KLHL32: variants seen among roughly 807,000 people sequenced by gnomAD.
KLHL32 encodes the protein kelch like family member 32, also known as kelch-like protein 32.
In KLHL32, 35 loss-of-function variants were observed where a neutral mutation model predicts 64.8. That is an observed-to-expected ratio of 0.54 (90% CI 0.41 to 0.72). The LOEUF (loss-of-function observed/expected upper bound fraction) is 0.72. KLHL32 is among the 30% of genes least tolerant of loss of function. KLHL32 has a pLI of 0.00. For missense variants in KLHL32, 589 were observed against 768.5 expected (o/e 0.77, Z 2.76); for synonymous variants, 259 against 281.0 (o/e 0.92, Z 0.78).
chr6:96,941,144 A>G (rs1771233304), intron 1 of KLHL32, among the ~76,000 whole-genome samples: 1 of 152,212 alleles, frequency 6.6e-6, no homozygotes, highest in Non-Finnish European at 1.5e-5. Context: ...GGGTTTGTTT[A>G]CAAGGTTGAA....
At chr6:97,076,675 A>G (rs1791636164) in intron 5 of KLHL32, among the ~76,000 whole-genome samples, 2 of 152,208 alleles carry the variant, frequency 1.3e-5, no homozygotes, top group South Asian at 4.1e-4. Context: ...TTTCTAAATC[A>G]TGAAGACTAA....
At chr6:96,913,682 T>G in the KLHL32 span, among the ~76,000 whole-genome samples, 1 of 152,180 alleles carries the variant, frequency 6.6e-6, no homozygotes, top group East Asian at 1.9e-4. Context: ...TAACTGTTCA[T>G]AGTTGGAGAA....
chr6:96,986,601 CCTTG>C (rs1162436952), intron 3 of KLHL32, among the ~76,000 whole-genome samples: 4 of 152,184 alleles, frequency 2.6e-5, no homozygotes, highest in Admixed American at 2.6e-4. Context: ...CTGGCTGCTG[CCTTG>C]CAGTTGGATC....
Position 96,985,571 on chromosome 6 carries a change from C to A in KLHL32, c.204+9394C>A, listed in dbSNP as rs1050839133. Among the ~76,000 whole-genome samples the A allele has an allele frequency of 5.3e-5, 8 of 152,248 alleles. No individual in the cohort carries two copies. In the East Asian group the frequency reaches 1.3e-3, roughly 26 times the overall value. On this transcript the variant is annotated intron_variant, in intron 3 of 10. Transcript: ENST00000369261. ...TATTTCTTGGAGGCTTTGTTCATTT[C>A]TTTTTATTCTTTTTTCTCTAAACTT...
chr6:97,106,755 A>AAAAT (rs1796469002), intron 6 of KLHL32, among the ~76,000 whole-genome samples: 1 of 151,968 alleles, frequency 6.6e-6, no homozygotes, highest in African/African-American at 2.4e-5. Flanking sequence ...AAAAAAAAAA[A>AAAAT]ATTAAATGTG....
chr6:96,963,114 G>A (rs541453484), intron 1 of KLHL32, among the ~76,000 whole-genome samples: 25 of 152,218 alleles, frequency 1.6e-4, no homozygotes, highest in Non-Finnish European at 3.1e-4. Flanking sequence ...AGACAGATTA[G>A]CAAGAGAAAA....
intron 3 of KLHL32, among the ~76,000 whole-genome samples, chr6:96,979,321 G>T (rs1776040540): frequency 6.6e-6 from 1 of 152,100 alleles, no homozygotes; most frequent in African/African-American, 2.4e-5. Flanking sequence ...TTTTGTACCT[G>T]GTGAAAGAAA....
chr6:96,961,337 G>A (rs1045318260), intron 1 of KLHL32, among the ~76,000 whole-genome samples: 1 of 152,288 alleles, frequency 6.6e-6, no homozygotes. Context: ...TCTCTTATAT[G>A]TTGGTAGGAT....
intron 1 of KLHL32, among the ~76,000 whole-genome samples, chr6:96,964,946 G>T (rs1220437785): frequency 2.0e-5 from 3 of 152,154 alleles, no homozygotes; most frequent in African/African-American, 7.2e-5. Context: ...TTGGGATACG[G>T]ATGATCCCAT....
intron 6 of KLHL32, among the ~76,000 whole-genome samples, chr6:97,099,822 G>T (rs531571259): frequency 7.2e-5 from 11 of 151,774 alleles, no homozygotes; most frequent in African/African-American, 2.2e-4. Context: ...CAAATCCTTT[G>T]ATATGACTAC....
At chr6:96,947,825 T>C (rs189000406) in intron 1 of KLHL32, among the ~76,000 whole-genome samples, 16 of 152,300 alleles carry the variant, frequency 1.1e-4, no homozygotes, top group Non-Finnish European at 1.5e-5. Flanking sequence ...AATTAAGTAC[T>C]TGTCCAGAGT....
At chr6:96,990,598 C>T (rs1777739257) in intron 3 of KLHL32, among the ~76,000 whole-genome samples, 1 of 152,178 alleles carries the variant, frequency 6.6e-6, no homozygotes, top group African/African-American at 2.4e-5. Context: ...TGTGTGTCCT[C>T]TCCAACTTGG....
At chr6:97,101,477 A>G (rs1795718437) in intron 6 of KLHL32, among the ~76,000 whole-genome samples, 2 of 152,198 alleles carry the variant, frequency 1.3e-5, no homozygotes, top group Admixed American at 1.3e-4. Context: ...TTTCTCACCA[A>G]GTTTCTGACA....
intron 3 of KLHL32, among the ~76,000 whole-genome samples, chr6:97,000,544 A>T (rs1778902673): frequency 6.6e-6 from 1 of 152,208 alleles, no homozygotes; most frequent in African/African-American, 2.4e-5. Context: ...AATGTAGACA[A>T]ACATGATTTC....
intron 3 of KLHL32, among the ~76,000 whole-genome samples, chr6:97,000,574 G>T (rs776996779): frequency 2.6e-5 from 4 of 152,182 alleles, no homozygotes; most frequent in Non-Finnish European, 5.9e-5. Flanking sequence ...TAAAATTTAT[G>T]ATTTCCTTGT....
At chr6:96,900,516 A>C in the KLHL32 span, among the ~76,000 whole-genome samples, 1 of 152,198 alleles carries the variant, frequency 6.6e-6, no homozygotes, top group Non-Finnish European at 1.5e-5. Context: ...TAGATTTATT[A>C]AGGTTGGAAT....
chr6:96,940,614 A>G (rs1344220066), intron 1 of KLHL32, among the ~76,000 whole-genome samples: 1 of 152,244 alleles, frequency 6.6e-6, no homozygotes, highest in Non-Finnish European at 1.5e-5. Context: ...CCAGAACCAT[A>G]CTATAGCCCT....
intron 6 of KLHL32, among the ~76,000 whole-genome samples, chr6:97,102,350 G>A (rs1249401801): frequency 6.6e-6 from 1 of 152,148 alleles, no homozygotes; most frequent in East Asian, 1.9e-4. Flanking sequence ...CCCACATGAG[G>A]TCACTCTAGT....
At chr6:96,932,285 C>T (rs1041594677) in intron 1 of KLHL32, among the ~76,000 whole-genome samples, 1 of 148,292 alleles carries the variant, frequency 6.7e-6, no homozygotes, top group African/African-American at 2.5e-5. Flanking sequence ...ACATTAATTA[C>T]CTACAATCTG....
Sources: allele counts gnomAD v4.1 joint callset (sites outside exome capture counted in the v4.1 genomes callset), GRCh38; gene constraint gnomAD v4.1.1; transcripts MANE v1.5; gene names NCBI Gene and HGNC (gene_info 2026-07-23, HGNC 2026-07-21).